Variants in IKZF2 observed in about 807,000 individuals in gnomAD.
IKZF2 encodes zinc finger protein Helios.
IKZF2 carries 15 observed loss-of-function variants against 49.2 expected under a neutral mutation model. The ratio of observed to expected loss-of-function variants is 0.30; its 90% CI spans 0.20 to 0.47. The LOEUF (loss-of-function observed/expected upper bound fraction) is 0.47. Ranked by LOEUF, IKZF2 falls within the 20% of genes least tolerant of loss-of-function variation. The pLI, the probability that IKZF2 is intolerant of heterozygous loss-of-function variation, is 1.00. For synonymous variants in IKZF2, 227 were observed against 221.4 expected (o/e 1.03, Z -0.23); for missense variants, 567 against 664.6 (o/e 0.85, Z 1.61).
At chr2:213,074,065 T>C (rs940025087) in intron 4 of IKZF2, among the ~76,000 whole-genome samples, 5 of 152,238 alleles carry the variant, frequency 3.3e-5, no homozygotes, top group Admixed American at 6.5e-5. Context: ...ATGAAAAAGA[T>C]TGAAAAGAAA....
At chr2:213,123,548 A>G (rs1247526207) in intron 4 of IKZF2, among the ~76,000 whole-genome samples, 1 of 152,242 alleles carries the variant, frequency 6.6e-6, no homozygotes, top group Non-Finnish European at 1.5e-5. Context: ...ACATGTAAAC[A>G]TATGTAACAA....
At chr2:213,071,465 T>G (rs1702694790) in intron 4 of IKZF2, among the ~76,000 whole-genome samples, 1 of 152,072 alleles carries the variant, frequency 6.6e-6, no homozygotes, top group Admixed American at 6.6e-5. Flanking sequence ...AAAATGTGAG[T>G]GTTCATTCCT....
intron 4 of IKZF2, among the ~76,000 whole-genome samples, chr2:213,118,762 C>T (rs980495034): frequency 6.6e-6 from 1 of 152,142 alleles, no homozygotes; most frequent in Non-Finnish European, 1.5e-5. Context: ...TCTGGTACTA[C>T]CTTTGGGCTG....
intron 6 of IKZF2, among the ~76,000 whole-genome samples, chr2:213,024,636 C>T (rs1697608578): frequency 6.6e-6 from 1 of 151,982 alleles, no homozygotes. Context: ...GGTGGAAAGG[C>T]AGGATTTCAG....
chr2:213,104,930 G>C (rs969213397), intron 4 of IKZF2, among the ~76,000 whole-genome samples: 2 of 152,032 alleles, frequency 1.3e-5, no homozygotes, highest in South Asian at 4.1e-4. Flanking sequence ...GATTTACAGG[G>C]CCAACCCATT....
chr2:213,138,036 C>T (rs897401449), intron 4 of IKZF2, among the ~76,000 whole-genome samples: 12 of 152,034 alleles, frequency 7.9e-5, no homozygotes, highest in African/African-American at 9.7e-5. Context: ...TTTATTAGAA[C>T]GTGACTTCAC....
intron 5 of IKZF2, among the ~76,000 whole-genome samples, chr2:213,051,699 A>C (rs1366094310): frequency 1.3e-5 from 2 of 151,952 alleles, no homozygotes; most frequent in Admixed American, 1.3e-4. Context: ...CATAGTAATA[A>C]AAGGAAAGAT....
chr2:213,096,055 G>C (rs1705940021), intron 4 of IKZF2, among the ~76,000 whole-genome samples: 1 of 151,884 alleles, frequency 6.6e-6, no homozygotes, highest in Non-Finnish European at 1.5e-5. Flanking sequence ...ATGTCCAAAA[G>C]AGCCTAGAAG....
chr2:213,078,490 A>G (rs1311848917), intron 4 of IKZF2, among the ~76,000 whole-genome samples: 1 of 152,234 alleles, frequency 6.6e-6, no homozygotes, highest in Non-Finnish European at 1.5e-5. Flanking sequence ...TCTTCACACT[A>G]GAATATGAAG....
chr2:213,140,904 C>T (rs954002372), intron 4 of IKZF2, among the ~76,000 whole-genome samples: 2 of 151,918 alleles, frequency 1.3e-5, no homozygotes, highest in Non-Finnish European at 2.9e-5. Context: ...AGAAAAGTAA[C>T]CAAACCATGG....
At chr2:213,144,189 A>G (rs919729631) in intron 4 of IKZF2, among the ~76,000 whole-genome samples, 1 of 151,952 alleles carries the variant, frequency 6.6e-6, no homozygotes, top group African/African-American at 2.4e-5. Context: ...AACTAGACTT[A>G]CTACTTCTTC....
intron 4 of IKZF2, among the ~76,000 whole-genome samples, chr2:213,142,993 C>T (rs2060924992): frequency 6.6e-6 from 1 of 151,632 alleles, no homozygotes; most frequent in Non-Finnish European, 1.5e-5. Flanking sequence ...AGGAAAATAC[C>T]AACAGGCCAA....
intron 6 of IKZF2, among the ~76,000 whole-genome samples, chr2:213,037,515 TG>T (rs1219880218): frequency 6.6e-6 from 1 of 152,190 alleles, no homozygotes; most frequent in Non-Finnish European, 1.5e-5. Flanking sequence ...GGAAATCAAA[TG>T]GGCTGTCTTA....
intron 8 of IKZF2, among the ~76,000 whole-genome samples, chr2:213,010,073 G>T (rs945974734): frequency 6.6e-6 from 1 of 152,112 alleles, no homozygotes; most frequent in Non-Finnish European, 1.5e-5. Context: ...TAGCAAAGGG[G>T]TTTAGGAAAT....
chr2:213,018,571 AT>A (rs1015859899), intron 7 of IKZF2, among the ~76,000 whole-genome samples: 1 of 152,016 alleles, frequency 6.6e-6, no homozygotes, highest in African/African-American at 2.4e-5. Context: ...CATTGGAGAC[AT>A]TTTTCTTGAT....
chr2:213,090,477 C>G (rs1251933539), intron 4 of IKZF2, among the ~76,000 whole-genome samples: 1 of 152,124 alleles, frequency 6.6e-6, no homozygotes, highest in Non-Finnish European at 1.5e-5. Context: ...CTTTGGCATT[C>G]ACATTTCTAT....
intron 4 of IKZF2, among the ~76,000 whole-genome samples, chr2:213,125,455 C>A (rs1461298153): frequency 1.3e-5 from 2 of 152,088 alleles, no homozygotes; most frequent in East Asian, 1.9e-4. Context: ...TACGTAGATA[C>A]CATCTTCCCC....
At chr2:213,129,937 G>A (rs1035887708) in intron 4 of IKZF2, among the ~76,000 whole-genome samples, 1 of 152,182 alleles carries the variant, frequency 6.6e-6, no homozygotes, top group African/African-American at 2.4e-5. Flanking sequence ...TGAAAGTCAT[G>A]AAAGCATCTA....
intron 6 of IKZF2, among the ~76,000 whole-genome samples, chr2:213,029,964 T>C (rs1698232989): frequency 6.6e-6 from 1 of 152,134 alleles, no homozygotes; most frequent in Non-Finnish European, 1.5e-5. Flanking sequence ...AAAAAAATCA[T>C]TAGACATTTG....
Sources: gnomAD v4.1 joint callset for allele counts (sites outside exome capture counted in the v4.1 genomes callset) on GRCh38, gnomAD v4.1.1 for gene constraint, MANE v1.5 for transcripts, NCBI Gene and HGNC (gene_info 2026-07-23, HGNC 2026-07-21) for gene names.